GRM8: variants seen among roughly 807,000 people sequenced by gnomAD.
The protein encoded by GRM8 is metabotropic glutamate receptor 8.
Under a neutral mutation model 87.2 loss-of-function variants are expected in GRM8, and 47 were observed. The ratio of observed to expected loss-of-function variants is 0.54; its 90% CI spans 0.43 to 0.69. The LOEUF (loss-of-function observed/expected upper bound fraction) is 0.69. GRM8 is among the 30% of genes least tolerant of loss of function. GRM8 has a pLI of 0.00. For missense variants in GRM8, 1,019 were observed against 1,139.2 expected (o/e 0.89, Z 1.52); for synonymous variants, 396 against 404.5 (o/e 0.98, Z 0.25).
At chr7:126,467,133 A>T (rs151077329) in intron 9 of GRM8, among the ~76,000 whole-genome samples, 4,311 of 151,582 alleles carry the variant, frequency 0.028, 188 homozygotes, top group African/African-American at 0.085. Flanking sequence ...CCCTAATGCT[A>T]TCCCTCTCCT....
intron 8 of GRM8, among the ~76,000 whole-genome samples, chr7:126,603,755 T>C (rs539211934): frequency 1.1e-4 from 16 of 152,122 alleles, no homozygotes; most frequent in Non-Finnish European, 2.2e-4. Flanking sequence ...ATGTATGTGT[T>C]TGTGTATATA....
intron 3 of GRM8, among the ~76,000 whole-genome samples, chr7:127,028,692 AT>A (rs1371808243): frequency 6.6e-6 from 1 of 152,028 alleles, no homozygotes; most frequent in African/African-American, 2.4e-5. Context: ...CCCTTTTATC[AT>A]TTTTTATTGC....
At chr7:127,192,472 A>C (rs1170354930) in intron 2 of GRM8, among the ~76,000 whole-genome samples, 1 of 152,202 alleles carries the variant, frequency 6.6e-6, no homozygotes, top group Non-Finnish European at 1.5e-5. Context: ...ATTCCAAAGA[A>C]AGCTCTCTGA....
At chr7:127,012,624 C>CTATG (rs1168411984) in intron 3 of GRM8, among the ~76,000 whole-genome samples, 1 of 152,086 alleles carries the variant, frequency 6.6e-6, no homozygotes, top group Non-Finnish European at 1.5e-5. Context: ...CACATCACAG[C>CTATG]TTCTATGATG....
intron 5 of GRM8, among the ~76,000 whole-genome samples, chr7:126,903,717 ATATATATATGTATATGTG>A (rs1563300631): frequency 7.4e-6 from 1 of 135,538 alleles, no homozygotes; most frequent in East Asian, 2.1e-4. Context: ...GTATATGTGT[ATATATATATGTATATGTG>A]TATATATATA....
intron 2 of GRM8, among the ~76,000 whole-genome samples, chr7:127,197,452 G>A (rs1339958393): frequency 6.6e-6 from 1 of 152,168 alleles, no homozygotes; most frequent in Admixed American, 6.5e-5. Flanking sequence ...GAGGGAGAGG[G>A]TTGTGACCAA....
chr7:127,251,567 C>T (rs1305048692), intron 1 of GRM8, among the ~76,000 whole-genome samples: 3 of 152,040 alleles, frequency 2.0e-5, no homozygotes, highest in African/African-American at 7.2e-5. Context: ...CTGTTGAAGC[C>T]GGGTTCTGGG....
rs1276399687 is a variant in GRM8, at chr7:126,651,707, G to C, written c.1358-42209C>G. On this transcript the variant is annotated intron_variant, in intron 7 of 10. Transcript: ENST00000339582. ...ACCTTTAAGTCAACAGGCTAAGAAG[G>C]GAGTTACAGTGTTAGCTGGGGTGAC... is the stretch of plus-strand genomic sequence containing the variant. Among the ~76,000 whole-genome samples, 5 of 152,300 alleles carry C rather than the reference G, an allele frequency of 3.3e-5. No homozygotes were observed. The East Asian group carries it at 9.6e-4, about 29-fold the overall frequency.
intron 7 of GRM8, among the ~76,000 whole-genome samples, chr7:126,698,322 A>C (rs1477039776): frequency 6.6e-6 from 1 of 152,160 alleles, no homozygotes; most frequent in Non-Finnish European, 1.5e-5. Context: ...AAGGATTGGA[A>C]TATAATAGAA....
chr7:126,547,328 G>A (rs969836492), intron 8 of GRM8, among the ~76,000 whole-genome samples: 3 of 151,976 alleles, frequency 2.0e-5, no homozygotes, highest in African/African-American at 7.3e-5. Flanking sequence ...CCCAATGCAT[G>A]GAGAGGGAGG....
rs1461154433 is a variant in GRM8, at chr7:126,579,259, C to T, written c.1494+30103G>A. ...AAAGGACAAAGTTGAATTTTGTTTT[C>T]TGTTCTTTTCATGTGACTTTTTGTG... On this transcript the variant is annotated intron_variant, in intron 8 of 10. Transcript: ENST00000339582. Among the ~76,000 whole-genome samples, 5 of 152,236 alleles carry T rather than the reference C, an allele frequency of 3.3e-5. 1 individual carries two copies. The highest frequency in any genetic ancestry group is 1.2e-4 in the African/African-American group (5 of 41,554).
At chr7:126,966,170 T>C (rs1809839887) in intron 3 of GRM8, among the ~76,000 whole-genome samples, 1 of 152,202 alleles carries the variant, frequency 6.6e-6, no homozygotes, top group African/African-American at 2.4e-5. Context: ...AGTCTGGCTC[T>C]ATCTCCCAGG....
chr7:126,483,627 T>C (rs548470423), intron 9 of GRM8, among the ~76,000 whole-genome samples: 1 of 151,502 alleles, frequency 6.6e-6, no homozygotes, highest in Admixed American at 6.6e-5. Context: ...GTTACTCAAA[T>C]TTTCATATTT....
chr7:127,223,572 T>C (rs1257286641), intron 2 of GRM8, among the ~76,000 whole-genome samples: 2 of 151,798 alleles, frequency 1.3e-5, no homozygotes, highest in African/African-American at 2.4e-5. Context: ...ACCAGGATAG[T>C]TTCTGAGAGG....
intron 2 of GRM8, among the ~76,000 whole-genome samples, chr7:127,211,233 G>A (rs1796195382): frequency 6.6e-6 from 1 of 152,188 alleles, no homozygotes; most frequent in Non-Finnish European, 1.5e-5. Context: ...TGACAGTGCA[G>A]CCTTCAGTAT....
intron 6 of GRM8, among the ~76,000 whole-genome samples, chr7:126,815,091 TAGAGA>T (rs1793661317): frequency 6.6e-6 from 1 of 152,110 alleles, no homozygotes; most frequent in Admixed American, 6.6e-5. Context: ...AAGACAGTAA[TAGAGA>T]TTCAAATAGG....
chr7:126,874,332 ATT>A, intron 6 of GRM8, among the ~76,000 whole-genome samples: 1 of 152,170 alleles, frequency 6.6e-6, no homozygotes, highest in East Asian at 1.9e-4. Flanking sequence ...TTGAATCCTA[ATT>A]TCAGTCATCA....
Position 126,839,985 on chromosome 7 carries a change from G to A in GRM8, c.1156+62557C>T, listed in dbSNP as rs930186629. On this transcript the variant is annotated intron_variant, in intron 6 of 10. Coordinates refer to ENST00000339582, the MANE Select transcript of GRM8 (RefSeq NM_000845.3). ...CTAGAGATACTAACTGCTTAACTAA[G>A]TCTGATAAATGAAAACATCTGTATG... Among the ~76,000 whole-genome samples the A allele has an allele frequency of 3.8e-4, 58 of 152,198 alleles. 1 individual carries two copies. Among genetic ancestry groups the A allele is most frequent in the African/African-American group, 1.3e-3 (54 of 41,534 alleles).
intron 8 of GRM8, among the ~76,000 whole-genome samples, chr7:126,571,866 G>A (rs527520103): frequency 2.6e-5 from 4 of 151,402 alleles, no homozygotes; most frequent in Non-Finnish European, 4.4e-5. Flanking sequence ...TCAGCCTCCC[G>A]AGTAGCTGGG....
Sources: allele counts gnomAD v4.1 joint callset (sites outside exome capture counted in the v4.1 genomes callset), GRCh38; gene constraint gnomAD v4.1.1; transcripts MANE v1.5; gene names NCBI Gene and HGNC (gene_info 2026-07-23, HGNC 2026-07-21).